The following CELF2 variants were observed in gnomAD, a reference collection of about 807,000 sequenced individuals.
The protein encoded by CELF2 is CUGBP Elav-like family member 2.
CELF2 carries 8 observed loss-of-function variants against 62.6 expected under a neutral mutation model. That is an observed-to-expected ratio of 0.13 (90% CI 0.07 to 0.23). The LOEUF is 0.23. Among genes scored for constraint, CELF2 ranks in the 10% least tolerant of loss-of-function variants. CELF2 has a pLI of 1.00. For synonymous variants in CELF2, 258 were observed against 250.0 expected (o/e 1.03, Z -0.30); for missense variants, 333 against 671.0 (o/e 0.50, Z 5.56).
chr10:10,712,716 A>G, the CELF2 span, among the ~76,000 whole-genome samples: 1 of 152,052 alleles, frequency 6.6e-6, no homozygotes, highest in Non-Finnish European at 1.5e-5. Context: ...ATTCACTTCT[A>G]CCCATTAGTT....
At chr10:10,727,984 G>C in the CELF2 span, among the ~76,000 whole-genome samples, 1 of 152,094 alleles carries the variant, frequency 6.6e-6, no homozygotes, top group South Asian at 2.1e-4. Context: ...GAAGAGTGAA[G>C]AGTCGGCTGC....
chr10:11,249,634 A>G (rs925137458), intron 4 of CELF2, among the ~76,000 whole-genome samples: 2 of 152,108 alleles, frequency 1.3e-5, no homozygotes, highest in South Asian at 2.1e-4. Flanking sequence ...TACCTTTTGC[A>G]TGTGTTTCTT....
chr10:10,711,342 A>G, the CELF2 span, among the ~76,000 whole-genome samples: 18 of 152,142 alleles, frequency 1.2e-4, no homozygotes, highest in Admixed American at 1.2e-3. Context: ...TAATATTTGT[A>G]TTGTGTTTCT....
intron 1 of CELF2, among the ~76,000 whole-genome samples, chr10:11,119,162 C>T (rs2057194929): frequency 1.3e-5 from 2 of 152,166 alleles, no homozygotes; most frequent in South Asian, 2.1e-4. Flanking sequence ...CCTGTAGTAA[C>T]GAAGGCAGGA....
chr10:10,817,599 C>A (rs1280223573), intron 1 of CELF2, among the ~76,000 whole-genome samples: 2 of 152,104 alleles, frequency 1.3e-5, no homozygotes, highest in Non-Finnish European at 2.9e-5. Flanking sequence ...GCCTGGCTTA[C>A]TTCATTTAAC....
rs534553261 is a variant in CELF2 at position 11,098,756 on chromosome 10, T to C, written c.75-66730T>C. On this transcript the variant is annotated intron_variant, in intron 1 of 12. Coordinates refer to ENST00000633077, the MANE Select transcript of CELF2 (RefSeq NM_001326342.2). This position sits in a 1 kb window ranked among gnomAD's most constrained non-coding sequence, Gnocchi z 4.0. ...TCTGTAAACTGCGGCCACTTTGTCC[T>C]TTATCTGTGTGGTTAATTTCTATGA... 3.1e-4 allele frequency among the ~76,000 whole-genome samples: 47 copies of C among 152,342 alleles called. No individual in the cohort carries two copies. The South Asian group carries it at 9.1e-3, about 30-fold the overall frequency.
rs186712715 is a variant in CELF2 at position 11,307,280 on chromosome 10, G to A, written c.977-6859G>A. 7.8e-3 allele frequency among the ~76,000 whole-genome samples: 1,193 copies of A among 152,340 alleles called. 12 individuals are homozygous for A. The highest frequency in any genetic ancestry group is 0.011 in the Non-Finnish European group (779 of 68,028). ...GGGGGCGCAGCAGGCAGCATCTCTG[G>A]GCCAGCAGTTCACAGTGTGGACATC... On this transcript the variant is annotated intron_variant, in intron 9 of 12. Coordinates refer to ENST00000633077, the MANE Select transcript of CELF2 (RefSeq NM_001326342.2).
At chr10:10,772,383 T>C in the CELF2 span, among the ~76,000 whole-genome samples, 1 of 152,224 alleles carries the variant, frequency 6.6e-6, no homozygotes, top group Admixed American at 6.5e-5. Flanking sequence ...AAACTCAGCT[T>C]TCAATTATTC....
the CELF2 span, among the ~76,000 whole-genome samples, chr10:10,741,106 T>C: frequency 6.6e-6 from 1 of 152,176 alleles, no homozygotes. Flanking sequence ...AAAAGTTAGC[T>C]ATAAAAAGTA....
intron 7 of CELF2, among the ~76,000 whole-genome samples, chr10:11,273,748 G>A (rs1324892510): frequency 6.6e-6 from 1 of 150,910 alleles, no homozygotes; most frequent in Non-Finnish European, 1.5e-5. Flanking sequence ...TTGAGACAGA[G>A]TCTTGCTCTG....
chr10:11,005,371 A>T lies in CELF2; in HGVS notation c.-17A>T. The stretch of plus-strand genomic sequence containing the variant: ...TACTTCTGAACTGGCTTTTGTTGAG[A>T]CTATCAGTATAGAAGCATGCGCTGT... On this transcript the variant is annotated 5_prime_UTR_variant, in exon 1 of 13. Transcript: ENST00000416382. The surrounding 1 kb of genome is among the most constrained non-coding windows in gnomAD (Gnocchi z 4.3). The T allele has an allele frequency of 6.2e-7, 1 of 1,613,724 alleles. No individual in the cohort carries two copies. The highest frequency in any genetic ancestry group is 8.5e-7 in the Non-Finnish European group (1 of 1,179,802).
chr10:10,483,068 T>C, the CELF2 span, among the ~76,000 whole-genome samples: 9 of 152,164 alleles, frequency 5.9e-5, 1 homozygote, highest in Admixed American at 5.9e-4. Flanking sequence ...GTGTGTCCCC[T>C]TCTCTTAGAA....
intron 1 of CELF2, among the ~76,000 whole-genome samples, chr10:10,807,528 T>C (rs2055357946): frequency 6.6e-6 from 1 of 152,226 alleles, no homozygotes; most frequent in African/African-American, 2.4e-5. Context: ...CAAATAACTA[T>C]TGTCATGCAA....
intron 1 of CELF2, among the ~76,000 whole-genome samples, chr10:10,876,820 A>G (rs924677346): frequency 6.6e-6 from 1 of 152,204 alleles, no homozygotes; most frequent in Non-Finnish European, 1.5e-5. Context: ...ATAAATTAAG[A>G]GACACTTGTT....
intron 2 of CELF2, among the ~76,000 whole-genome samples, chr10:10,987,766 A>G (rs1245433868): frequency 1.3e-5 from 2 of 152,208 alleles, no homozygotes; most frequent in Admixed American, 6.5e-5. Flanking sequence ...CAAATCAGCA[A>G]GAAAAAAAAT....
At chr10:10,988,214 G>T (rs926356642) in intron 2 of CELF2, among the ~76,000 whole-genome samples, 1 of 151,042 alleles carries the variant, frequency 6.6e-6, no homozygotes, top group Non-Finnish European at 1.5e-5. Flanking sequence ...CCAATGAATG[G>T]ATAAAGAAAA....
the CELF2 span, among the ~76,000 whole-genome samples, chr10:10,724,555 C>G: frequency 2.7e-5 from 4 of 149,548 alleles, no homozygotes; most frequent in African/African-American, 9.8e-5. Flanking sequence ...ACTCAGGAGG[C>G]TGAGACAGGA....
At chr10:10,768,949 ATGCTCCCTCTGTCCTTCCTTCTACCTGCC>A in the CELF2 span, among the ~76,000 whole-genome samples, 1 of 152,156 alleles carries the variant, frequency 6.6e-6, no homozygotes, top group African/African-American at 2.4e-5. Context: ...CTGGTAATGC[ATGCTCCCTCTGTCCTTCCTTCTACCTGCC>A]AAATATATTA....
the CELF2 span, among the ~76,000 whole-genome samples, chr10:10,669,800 T>C: frequency 1.3e-5 from 2 of 152,206 alleles, no homozygotes; most frequent in African/African-American, 2.4e-5. Context: ...TCCTGGAGAA[T>C]TTTAATTTCT....
Sources: allele counts gnomAD v4.1 joint callset (sites outside exome capture counted in the v4.1 genomes callset), GRCh38; gene constraint gnomAD v4.1.1; non-coding constraint Gnocchi (gnomAD v3.1); transcripts MANE v1.5; gene names NCBI Gene and HGNC (gene_info 2026-07-23, HGNC 2026-07-21).